The following ASMTL variants were observed in gnomAD, a reference collection of about 807,000 sequenced individuals.
The protein encoded by ASMTL is probable bifunctional dTTP/UTP pyrophosphatase/methyltransferase protein.
ASMTL carries 57 observed loss-of-function variants against 60.3 expected under a neutral mutation model. The ratio of observed to expected loss-of-function variants is 0.95; its 90% CI spans 0.76 to 1.18. ASMTL has a LOEUF of 1.18. Ranked by LOEUF, ASMTL falls within the 50% of genes most tolerant of loss-of-function variation. The probability of loss-of-function intolerance (pLI) is 0.00; values close to 1 mark genes in which losing one functional copy is unlikely to be tolerated. For missense variants in ASMTL, 981 were observed against 852.6 expected (o/e 1.15, Z -1.88); for synonymous variants, 419 against 373.0 (o/e 1.12, Z -1.42).
chrX:1,420,243 A>C, intron 9 of ASMTL, among the ~76,000 whole-genome samples: 1 of 142,892 alleles, frequency 7.0e-6, no homozygotes, highest in African/African-American at 2.6e-5. Context: ...TCTGTCTCCC[A>C]TCTCCGTGTC....
At position 1,403,189 on chromosome X, in the gene ASMTL, G is replaced by A. The variant is rs750931715; in HGVS notation, c.*80C>T. On this transcript the variant is annotated 3_prime_UTR_variant, in exon 13 of 13. Coordinates refer to ENST00000381317, the MANE Select transcript of ASMTL (RefSeq NM_004192.4). The stretch of plus-strand genomic sequence containing the variant: ...CACGACTACACGCTCCTATGTGACT[G>A]TCCTATGGTACTTGGGGACCGGGCG... 2.6e-6 allele frequency: 3 copies of A among 1,169,034 alleles called. No individual in the cohort carries two copies. Among genetic ancestry groups the A allele is most frequent in the South Asian group, 1.2e-5 (1 of 80,006 alleles). 72.4% of individuals were successfully genotyped at this position (1,169,034 alleles called of 1,614,324 possible).
intron 8 of ASMTL, among the ~76,000 whole-genome samples, chrX:1,422,312 A>G (rs1231399044): frequency 6.6e-5 from 10 of 152,220 alleles, no homozygotes; most frequent in Non-Finnish European, 1.3e-4. Context: ...AGAAGCAAAC[A>G]TTGGGCTTTC....
chrX:1,419,666 C>T (rs1435688971), intron 9 of ASMTL, among the ~76,000 whole-genome samples: 5 of 152,148 alleles, frequency 3.3e-5, no homozygotes, highest in Admixed American at 1.3e-4. Context: ...GTCCAGGGTT[C>T]GCCTGGACAT....
rs1329658333 is a variant in ASMTL, at chrX:1,418,954, G to C, written c.1378+28C>G. The C allele has an allele frequency of 1.9e-6, 3 of 1,610,974 alleles. No homozygotes were observed. The African/African-American group carries it at 4.0e-5, about 22-fold the overall frequency. On this transcript the variant is annotated intron_variant, in intron 10 of 12. Transcript: ENST00000381317. ...CCTGTGGCTTAATAAACGAAAGTAA[G>C]GAGAGCCCTGGCGGGGGGGCCACCC...
chrX:1,420,332 C>T, intron 9 of ASMTL, among the ~76,000 whole-genome samples: 1 of 151,466 alleles, frequency 6.6e-6, no homozygotes, highest in African/African-American at 2.4e-5. Flanking sequence ...TGTCTGCCTC[C>T]ATCTCTGTCT....
chrX:1,405,103 G>C (rs2089760680), intron 12 of ASMTL, among the ~76,000 whole-genome samples: 1 of 151,356 alleles, frequency 6.6e-6, no homozygotes. Context: ...ATGGATGGAT[G>C]AGTGAACAGA....
intron 12 of ASMTL, among the ~76,000 whole-genome samples, chrX:1,407,443 G>A (rs2089905481): frequency 6.6e-6 from 1 of 150,478 alleles, no homozygotes; most frequent in African/African-American, 2.5e-5. Flanking sequence ...GTGAATAGAT[G>A]GTAGATGATA....
At chrX:1,424,777 CCCAT>C (rs1230663953) in intron 8 of ASMTL, among the ~76,000 whole-genome samples, 1 of 151,208 alleles carries the variant, frequency 6.6e-6, no homozygotes, top group Non-Finnish European at 1.5e-5. Context: ...CATCCATCCA[CCCAT>C]CCATCCACTT....
intron 3 of ASMTL, among the ~76,000 whole-genome samples, chrX:1,436,026 C>T (rs2090955677): frequency 6.6e-6 from 1 of 152,140 alleles, no homozygotes; most frequent in South Asian, 2.1e-4. Context: ...CTGGTAACCG[C>T]CCATCCTCTT....
chrX:1,414,702 C>T (rs1364696383), intron 11 of ASMTL, among the ~76,000 whole-genome samples: 1 of 152,072 alleles, frequency 6.6e-6, no homozygotes, highest in Non-Finnish European at 1.5e-5. Context: ...AGCGAGACAC[C>T]ATTCAAACAT....
chrX:1,404,550 GGATA>G (rs2089732081), intron 12 of ASMTL, among the ~76,000 whole-genome samples: 3 of 151,628 alleles, frequency 2.0e-5, no homozygotes, highest in South Asian at 4.2e-4. Context: ...ATGAATGGAT[GGATA>G]GATGGATGCA....
chrX:1,453,154 CCT>C (rs2091438203), upstream of ASMTL, among the ~76,000 whole-genome samples: 1 of 150,564 alleles, frequency 6.6e-6, no homozygotes, highest in African/African-American at 2.4e-5. Context: ...CCTCCATTGC[CCT>C]CTCCGTCAGG....
At chrX:1,416,009 GC>G (rs1210676498) in intron 11 of ASMTL, among the ~76,000 whole-genome samples, 7 of 141,782 alleles carry the variant, frequency 4.9e-5, no homozygotes, top group Non-Finnish European at 1.0e-4. Flanking sequence ...AGCAAGACAG[GC>G]ACACACACAC....
intron 6 of ASMTL, chrX:1,431,926 C>G (rs1824360794): frequency 1.3e-5 from 4 of 306,030 alleles, no homozygotes; most frequent in Admixed American, 9.3e-5. Flanking sequence ...AGAGTTTATT[C>G]GTGTTAATTG....
chrX:1,423,642 T>C lies in ASMTL; in HGVS notation c.1061-1800A>G, dbSNP rs1569532926. Among the ~76,000 whole-genome samples, 6 of 148,338 alleles carry C rather than the reference T, an allele frequency of 4.0e-5. No individual in the cohort carries two copies. The South Asian group carries it at 6.5e-4, about 16-fold the overall frequency. On this transcript the variant is annotated intron_variant, in intron 8 of 12. Transcript: ENST00000381317. ...GATCCACCCATTCATCACTCATCTA[T>C]GCATTCCCCCACCCATCCAATCCAC...
chrX:1,436,762 T>A (rs1428848168), intron 3 of ASMTL, among the ~76,000 whole-genome samples: 1 of 152,232 alleles, frequency 6.6e-6, no homozygotes, highest in Non-Finnish European at 1.5e-5. Context: ...GCCTTTTAGC[T>A]GTTGTGAATA....
At chrX:1,431,372 TATA>T (rs1216846554) in intron 6 of ASMTL, among the ~76,000 whole-genome samples, 1 of 134,818 alleles carries the variant, frequency 7.4e-6, no homozygotes, top group Non-Finnish European at 1.5e-5. Flanking sequence ...TATATATAAT[TATA>T]ATCGATTATA....
intron 11 of ASMTL, among the ~76,000 whole-genome samples, chrX:1,413,534 A>G (rs868728014): frequency 6.6e-6 from 1 of 152,260 alleles, no homozygotes; most frequent in South Asian, 2.1e-4. Context: ...CGGGGGGCGC[A>G]TGTAGCTGCA....
rs193225191 is a variant in ASMTL at position 1,415,384 on chromosome X, C to G, written c.1523-2530G>C. Among the ~76,000 whole-genome samples the G allele has an allele frequency of 2.2e-3, 341 of 152,018 alleles. 1 individual carries two copies. Among genetic ancestry groups the G allele is most frequent in the Non-Finnish European group, 4.3e-3 (290 of 68,014 alleles). On this transcript the variant is annotated intron_variant, in intron 11 of 12. Coordinates refer to ENST00000381317, the MANE Select transcript of ASMTL (RefSeq NM_004192.4). ...TCTCGGCTGTTCCCCATCTCCACTC[C>G]CCTCACGTCTCGGCTACTTGCACTG...
Sources: allele counts gnomAD v4.1 joint callset (sites outside exome capture counted in the v4.1 genomes callset), GRCh38; gene constraint gnomAD v4.1.1; transcripts MANE v1.5; gene names NCBI Gene and HGNC (gene_info 2026-07-23, HGNC 2026-07-21).